QKI: variants seen among roughly 807,000 people sequenced by gnomAD.
QKI encodes KH domain-containing RNA-binding protein QKI.
A neutral mutation model predicts 39.0 loss-of-function variants in QKI; 10 were observed. The observed-to-expected ratio is 0.26, with a 90% CI of 0.16 to 0.43. The LOEUF (loss-of-function observed/expected upper bound fraction) is 0.43, where lower values mean the gene tolerates loss of function less well. QKI is among the 20% of genes least tolerant of loss of function. QKI has a pLI of 1.00. For synonymous variants in QKI, 204 were observed against 155.4 expected (o/e 1.31, Z -2.33); for missense variants, 218 against 428.0 (o/e 0.51, Z 4.33).
chr6:163,444,857 C>T (rs1790028105), intron 1 of QKI, among the ~76,000 whole-genome samples: 1 of 151,826 alleles, frequency 6.6e-6, no homozygotes, highest in Non-Finnish European at 1.5e-5. Flanking sequence ...TTATTTCCCC[C>T]CTTCCCTCAT....
chr6:163,491,736 A>G (rs1197557011), intron 3 of QKI, among the ~76,000 whole-genome samples: 2 of 152,214 alleles, frequency 1.3e-5, no homozygotes, highest in African/African-American at 4.8e-5. Flanking sequence ...CTTGAAATAA[A>G]AAATTTATTT....
At chr6:163,552,665 C>T (rs1002336516) in intron 4 of QKI, among the ~76,000 whole-genome samples, 1 of 151,994 alleles carries the variant, frequency 6.6e-6, no homozygotes. Flanking sequence ...GAAGGTTCAG[C>T]GGCGTACTCA....
intron 3 of QKI, among the ~76,000 whole-genome samples, chr6:163,511,508 A>G (rs1779476143): frequency 6.6e-6 from 1 of 152,090 alleles, no homozygotes; most frequent in Admixed American, 6.5e-5. Flanking sequence ...ATTTAATAAA[A>G]TAGGAGACAT....
intron 1 of QKI, among the ~76,000 whole-genome samples, chr6:163,428,575 A>G (rs1480100028): frequency 6.6e-6 from 1 of 152,222 alleles, no homozygotes; most frequent in Non-Finnish European, 1.5e-5. Context: ...ATTATAGTTT[A>G]TAGCATTACG....
At chr6:163,522,048 A>G (rs539985404) in intron 3 of QKI, among the ~76,000 whole-genome samples, 2 of 152,332 alleles carry the variant, frequency 1.3e-5, no homozygotes, top group East Asian at 3.9e-4. Flanking sequence ...GTTACATAGT[A>G]AAAGTGTTAA....
intron 1 of QKI, among the ~76,000 whole-genome samples, chr6:163,434,378 T>C (rs1789078886): frequency 6.6e-6 from 1 of 152,218 alleles, no homozygotes; most frequent in Non-Finnish European, 1.5e-5. Flanking sequence ...TTATAAAAAC[T>C]AAACAATAAT....
At chr6:163,426,908 T>G (rs1438074678) in intron 1 of QKI, among the ~76,000 whole-genome samples, 4 of 152,194 alleles carry the variant, frequency 2.6e-5, no homozygotes, top group Non-Finnish European at 4.4e-5. Context: ...TGTACTTAAG[T>G]CAACTATAAT....
At chr6:163,430,507 G>GT (rs996620779) in intron 1 of QKI, among the ~76,000 whole-genome samples, 2 of 151,978 alleles carry the variant, frequency 1.3e-5, no homozygotes, top group African/African-American at 4.8e-5. Flanking sequence ...ATGTGTTTCA[G>GT]TTTTTTTCTG....
chr6:163,560,221 A>G (rs1269522245), intron 4 of QKI, among the ~76,000 whole-genome samples: 1 of 152,098 alleles, frequency 6.6e-6, no homozygotes, highest in Non-Finnish European at 1.5e-5. Context: ...GGTGATACTC[A>G]ACAGACTGTA....
chr6:163,434,696 C>T (rs923889989), intron 1 of QKI, among the ~76,000 whole-genome samples: 1 of 151,266 alleles, frequency 6.6e-6, no homozygotes, highest in South Asian at 2.1e-4. Context: ...GCCTGGGCAA[C>T]AGTGTGAGAC....
chr6:163,553,999 T>A (rs1044650393), intron 4 of QKI, among the ~76,000 whole-genome samples: 4 of 152,118 alleles, frequency 2.6e-5, no homozygotes, highest in Admixed American at 2.6e-4. Flanking sequence ...TAATACAGAT[T>A]TAGAGACTGC....
At chr6:163,528,152 A>G (rs1780624780) in intron 3 of QKI, among the ~76,000 whole-genome samples, 2 of 152,176 alleles carry the variant, frequency 1.3e-5, no homozygotes, top group South Asian at 4.1e-4. Flanking sequence ...TAGGACAAAT[A>G]TAGAAAGACA....
intron 1 of QKI, among the ~76,000 whole-genome samples, chr6:163,439,505 A>G (rs1242921537): frequency 6.6e-6 from 1 of 150,618 alleles, no homozygotes. Flanking sequence ...CCGCCACCAC[A>G]CATGGCTAAT....
rs1787322329 is a variant in QKI, at chr6:163,415,124, C to G, written c.-70C>G. 2 of 1,208,576 alleles carry G rather than the reference C, an allele frequency of 1.7e-6. No individual in the cohort carries two copies. The highest frequency in any genetic ancestry group is 3.8e-5 in the South Asian group (2 of 52,162). The allele number at this position is 1,208,576 out of a possible 1,614,324, so 74.9% of individuals were successfully genotyped here. ...CGAGCGGCCCGCGGCCGGGGCTCGC[C>G]CCCGCCCCTCCCTCCTCTCCGGCGG... On this transcript the variant is annotated 5_prime_UTR_variant, in exon 1 of 8. Transcript: ENST00000361752.
chr6:163,470,443 T>C (rs1792099720), intron 2 of QKI, among the ~76,000 whole-genome samples: 1 of 152,148 alleles, frequency 6.6e-6, no homozygotes, highest in East Asian at 1.9e-4. Flanking sequence ...GAAGCTGATA[T>C]GTATCTTTCC....
At chr6:163,550,926 G>A (rs1430583809) in intron 4 of QKI, among the ~76,000 whole-genome samples, 1 of 137,310 alleles carries the variant, frequency 7.3e-6, no homozygotes, top group African/African-American at 2.8e-5. Flanking sequence ...CTGCCTGGGC[G>A]ACAGAGCAAG....
chr6:163,441,543 A>G (rs974197523), intron 1 of QKI, among the ~76,000 whole-genome samples: 2 of 152,248 alleles, frequency 1.3e-5, no homozygotes, highest in Non-Finnish European at 2.9e-5. Context: ...TAATGTCAAC[A>G]GGCAATAATC....
At chr6:163,457,339 A>G (rs1450091248) in intron 2 of QKI, 2 of 456,018 alleles carry the variant, frequency 4.4e-6, no homozygotes, top group South Asian at 3.1e-5. Context: ...ACTTGAGTCT[A>G]GAGGGCACCT....
At chr6:163,480,081 A>G (rs1285011673) in intron 3 of QKI, among the ~76,000 whole-genome samples, 1 of 152,166 alleles carries the variant, frequency 6.6e-6, no homozygotes, top group Admixed American at 6.5e-5. Context: ...CTATCTAAAT[A>G]TTATTGTTAG....
Sources: gnomAD v4.1 joint callset for allele counts (sites outside exome capture counted in the v4.1 genomes callset) on GRCh38, gnomAD v4.1.1 for gene constraint, MANE v1.5 for transcripts, NCBI Gene and HGNC (gene_info 2026-07-23, HGNC 2026-07-21) for gene names.